The following ZNF474 variants were observed in gnomAD, a reference collection of about 807,000 sequenced individuals.
ZNF474 encodes 4933409D10Rik.
For missense variants in ZNF474, 511 were observed against 433.8 expected, an observed-to-expected ratio of 1.18 and a Z score of -1.58; for synonymous variants, 192 against 162.2, an observed-to-expected ratio of 1.18 and a Z score of -1.39.
intron 1 of ZNF474, among the ~76,000 whole-genome samples, chr5:122,151,315 A>G (rs1260330165): frequency 1.3e-5 from 2 of 152,196 alleles, no homozygotes; most frequent in African/African-American, 4.8e-5. Flanking sequence ...TTGTCAAAGG[A>G]ATCCATGTCA....
chr5:122,139,756 G>A (rs1163911925), intron 1 of ZNF474, among the ~76,000 whole-genome samples: 1 of 152,186 alleles, frequency 6.6e-6, no homozygotes, highest in Non-Finnish European at 1.5e-5. Flanking sequence ...GTTAATGCCT[G>A]TTGAAAAGAA....
intron 1 of ZNF474, among the ~76,000 whole-genome samples, chr5:122,137,987 C>G (rs1055832286): frequency 5.4e-4 from 82 of 152,210 alleles, no homozygotes; most frequent in African/African-American, 1.8e-3. Flanking sequence ...GCAGGCAAAA[C>G]AGCCAAAAGG....
intron 1 of ZNF474, among the ~76,000 whole-genome samples, chr5:122,146,766 A>C (rs988238410): frequency 6.6e-6 from 1 of 152,250 alleles, no homozygotes; most frequent in Non-Finnish European, 1.5e-5. Flanking sequence ...ACCCAAGTCC[A>C]TCCAGGCCTC....
In ZNF474 at chr5:122,152,119, A is replaced by G; in HGVS notation, c.129A>G (p.Pro43=). The G allele has an allele frequency of 6.2e-7, 1 of 1,614,206 alleles. No individual in the cohort carries two copies. The highest frequency in any genetic ancestry group is 1.1e-5 in the South Asian group (1 of 91,080). ...GTGACTCCTATTCTAGCCTTTCCCCAGAAACAGAGAGTGTTAATCCTGGTG... is the reference window on the plus strand; with the variant it reads ...GTGACTCCTATTCTAGCCTTTCCCCGGAAACAGAGAGTGTTAATCCTGGTG... ...LSSDSYSSLS[P]ETESVNPGEN... Residue 43 remains proline, a synonymous_variant, in exon 2 of 2, where the codon CCA becomes CCG. Transcript: ENST00000296600.
At chr5:122,136,077 TAACAGGGC>T (rs1755692890) in intron 1 of ZNF474, among the ~76,000 whole-genome samples, 1 of 152,104 alleles carries the variant, frequency 6.6e-6, no homozygotes, top group Non-Finnish European at 1.5e-5. Flanking sequence ...TTCAGGAGCA[TAACAGGGC>T]AACTATAGTT....
intron 1 of ZNF474, among the ~76,000 whole-genome samples, chr5:122,139,000 T>C (rs115401523): frequency 2.4e-3 from 360 of 152,340 alleles, no homozygotes; most frequent in Non-Finnish European, 4.6e-3. Flanking sequence ...AAAGTTAATA[T>C]TTACATTCCT....
At chr5:122,132,204 A>T (rs1755593819) in intron 1 of ZNF474, among the ~76,000 whole-genome samples, 1 of 152,144 alleles carries the variant, frequency 6.6e-6, no homozygotes, top group Admixed American at 6.5e-5. Context: ...TTGTATGAAT[A>T]TGCTATAATT....
chr5:122,146,152 C>A (rs535086849), intron 1 of ZNF474, among the ~76,000 whole-genome samples: 1 of 152,274 alleles, frequency 6.6e-6, no homozygotes, highest in Admixed American at 6.5e-5. Flanking sequence ...CATTCTCCTC[C>A]CATTATTCCT....
chr5:122,149,903 G>A (rs993360129), intron 1 of ZNF474, among the ~76,000 whole-genome samples: 6 of 151,164 alleles, frequency 4.0e-5, no homozygotes, highest in African/African-American at 1.2e-4. Flanking sequence ...GTGTGTGTGT[G>A]TGTGTGTGTG....
intron 1 of ZNF474, among the ~76,000 whole-genome samples, chr5:122,133,903 G>T (rs181979168): frequency 2.8e-4 from 42 of 152,300 alleles, no homozygotes; most frequent in African/African-American, 1.0e-3. Context: ...ATTTCTAAGA[G>T]AATTTTTAGT....
intron 1 of ZNF474, among the ~76,000 whole-genome samples, chr5:122,135,678 G>C (rs1189009173): frequency 6.6e-6 from 1 of 152,098 alleles, no homozygotes; most frequent in African/African-American, 2.4e-5. Context: ...ATGCCAAAGA[G>C]ATATCTGCAC....
rs1405305062 is a variant in ZNF474 at position 122,152,694 on chromosome 5, C to T, written c.704C>T (p.Ser235Phe). Residue 235 changes from serine to phenylalanine, a missense_variant, in exon 2 of 2, where the codon TCC (serine) becomes TTC (phenylalanine). Coordinates refer to ENST00000296600, the MANE Select transcript of ZNF474 (RefSeq NM_207317.3). ...YICGKEFGTL[S>F]LPIHEPKCLE... is the part of the protein sequence containing the mutation. ...TGTGGTAAGGAATTTGGCACCCTGT[C>T]CCTTCCTATTCATGAGCCCAAATGC... 3.7e-6 allele frequency: 6 copies of T among 1,614,062 alleles called. No homozygotes were observed. Among genetic ancestry groups the T allele is most frequent in the African/African-American group, 2.7e-5 (2 of 74,922 alleles).
chr5:122,141,139 TA>T lies in ZNF474; in HGVS notation c.-212-10639del, dbSNP rs1359974888. Among the ~76,000 whole-genome samples the T allele has an allele frequency of 1.4e-3, 187 of 135,434 alleles. 3 individuals carry two copies. The highest frequency in any genetic ancestry group is 2.4e-3 in the African/African-American group (88 of 36,476). The allele number at this position is 135,434 out of a possible 152,430, so 88.8% of individuals were successfully genotyped here. A position where few individuals can be genotyped will look rare whatever the true frequency, so the allele number is the denominator to read the frequency against. ...TATTTTATTTTATTTTATTTTATTT[TA>T]TTTTATTTTATTTTATTTTATTTTA... On this transcript the variant is annotated intron_variant, in intron 1 of 1. Coordinates refer to ENST00000296600, the MANE Select transcript of ZNF474 (RefSeq NM_207317.3).
intron 1 of ZNF474, among the ~76,000 whole-genome samples, chr5:122,145,300 T>G (rs1755959507): frequency 1.3e-5 from 2 of 152,194 alleles, no homozygotes; most frequent in Non-Finnish European, 2.9e-5. Flanking sequence ...CAAATGCTGC[T>G]CCTATATTTC....
chr5:122,151,330 C>T (rs1418153559), intron 1 of ZNF474, among the ~76,000 whole-genome samples: 1 of 152,158 alleles, frequency 6.6e-6, no homozygotes. Flanking sequence ...ATGTCACTAA[C>T]AAGTTAAGGA....
In ZNF474 at chr5:122,152,822, G is replaced by T; in HGVS notation, c.832G>T (p.Gly278Ter). The change falls in exon 2 of 2, where the codon GGA becomes TGA. Residue 278 changes from glycine to a stop codon, truncating the protein, a stop_gained. Transcript: ENST00000296600. LOFTEE classifies it low-confidence loss of function (END_TRUNC). Reference protein sequence around the residue: ...PLPNAQSSQAGPNQAQLVFCP... With the variant: ...PLPNAQSSQA ...TCCGAATGCACAGTCCAGCCAAGCG[G>T]GACCAAATCAAGCTCAGCTTGTGTT... 1 of 1,614,122 alleles carries T rather than the reference G, an allele frequency of 6.2e-7. No homozygotes were observed. The highest frequency in any genetic ancestry group is 1.1e-5 in the South Asian group (1 of 91,072).
In ZNF474 at chr5:122,153,213, C is replaced by G; in HGVS notation, c.*128C>G. On this transcript the variant is annotated 3_prime_UTR_variant, in exon 2 of 2. Coordinates refer to ENST00000296600, the MANE Select transcript of ZNF474 (RefSeq NM_207317.3). ...CCCTGTTGAACTCCAGGGCCTATAC[C>G]TCTCTTGGCTGAATAGATATAAGAA... The G allele has an allele frequency of 8.5e-7, 1 of 1,173,700 alleles. No individual in the cohort carries two copies. Among genetic ancestry groups the G allele is most frequent in the South Asian group, 1.7e-5 (1 of 59,430 alleles). 72.7% of individuals were successfully genotyped at this position (1,173,700 alleles called of 1,614,324 possible).
At chr5:122,138,567 G>T (rs183220095) in intron 1 of ZNF474, among the ~76,000 whole-genome samples, 5 of 152,318 alleles carry the variant, frequency 3.3e-5, no homozygotes, top group Admixed American at 3.3e-4. Flanking sequence ...CTCAAATCTC[G>T]AGTTTCAGTT....
chr5:122,141,641 T>C (rs1005229034), intron 1 of ZNF474, among the ~76,000 whole-genome samples: 2 of 151,692 alleles, frequency 1.3e-5, no homozygotes, highest in African/African-American at 4.8e-5. Flanking sequence ...GGTTTCACCA[T>C]GTTGGCCAGG....
Sources: allele counts gnomAD v4.1 joint callset (sites outside exome capture counted in the v4.1 genomes callset), GRCh38; gene constraint gnomAD v4.1.1; transcripts MANE v1.5; gene names NCBI Gene and HGNC (gene_info 2026-07-23, HGNC 2026-07-21).